Variants in RAI14 observed in about 807,000 individuals in gnomAD.
The protein encoded by RAI14 is ankycorbin.
A neutral mutation model predicts 115.4 loss-of-function variants in RAI14; 45 were observed. The observed-to-expected ratio is 0.39, with a 90% CI of 0.31 to 0.50. The LOEUF (loss-of-function observed/expected upper bound fraction) is 0.50, where lower values mean the gene tolerates loss of function less well. Ranked by LOEUF, RAI14 falls within the 20% of genes least tolerant of loss-of-function variation. RAI14 has a pLI of 0.85. For synonymous variants in RAI14, 371 were observed against 415.4 expected (o/e 0.89, Z 1.30); for missense variants, 939 against 1,131.2 (o/e 0.83, Z 2.44).
At chr5:34,685,436 A>G (rs1007303596) in intron 1 of RAI14, among the ~76,000 whole-genome samples, 3 of 152,116 alleles carry the variant, frequency 2.0e-5, no homozygotes, top group Non-Finnish European at 4.4e-5. Context: ...AGAGTGATAC[A>G]ATGGACTGTC....
intron 3 of RAI14, among the ~76,000 whole-genome samples, chr5:34,786,987 G>A (rs781304259): frequency 1.3e-5 from 2 of 152,234 alleles, no homozygotes; most frequent in Non-Finnish European, 2.9e-5. Context: ...GCTCTTGTTA[G>A]TTATCTGCAT....
chr5:34,704,999 G>T (rs955375571), intron 2 of RAI14, among the ~76,000 whole-genome samples: 5 of 151,986 alleles, frequency 3.3e-5, no homozygotes, highest in Non-Finnish European at 5.9e-5. Context: ...TCCCTTTGTT[G>T]CCCAGGCTGG....
intron 2 of RAI14, among the ~76,000 whole-genome samples, chr5:34,739,903 A>G (rs1028154643): frequency 1.3e-5 from 2 of 152,020 alleles, no homozygotes; most frequent in Non-Finnish European, 2.9e-5. Context: ...CTCTACTAAA[A>G]ATACAAAATT....
intron 2 of RAI14, among the ~76,000 whole-genome samples, chr5:34,698,343 G>T (rs778113170): frequency 3.8e-4 from 58 of 151,736 alleles, no homozygotes; most frequent in Non-Finnish European, 7.7e-4. Context: ...AATGGCAGCT[G>T]CTGATATTGG....
At chr5:34,737,805 C>T (rs1373021693) in intron 2 of RAI14, among the ~76,000 whole-genome samples, 1 of 152,116 alleles carries the variant, frequency 6.6e-6, no homozygotes. Context: ...TATCTGGATT[C>T]CTCAATCTGC....
At chr5:34,809,842 A>T (rs1309938800) in intron 7 of RAI14, among the ~76,000 whole-genome samples, 1 of 152,156 alleles carries the variant, frequency 6.6e-6, no homozygotes, top group Non-Finnish European at 1.5e-5. Flanking sequence ...AGAATCTCCC[A>T]ACTTTGAAGA....
chr5:34,764,974 T>A (rs1254386757), intron 3 of RAI14, among the ~76,000 whole-genome samples: 1 of 152,180 alleles, frequency 6.6e-6, no homozygotes, highest in East Asian at 1.9e-4. Context: ...CCCATACTGT[T>A]CTTGCGGTAG....
At chr5:34,765,381 T>G (rs906979150) in intron 3 of RAI14, among the ~76,000 whole-genome samples, 1 of 152,218 alleles carries the variant, frequency 6.6e-6, no homozygotes, top group Non-Finnish European at 1.5e-5. Flanking sequence ...CCCAGAATGC[T>G]GATAGCGATA....
intron 1 of RAI14, among the ~76,000 whole-genome samples, chr5:34,677,936 G>T (rs1229943356): frequency 6.6e-6 from 1 of 152,162 alleles, no homozygotes; most frequent in East Asian, 1.9e-4. Context: ...TTGATTTAAA[G>T]TTAAATAGCT....
intron 3 of RAI14, among the ~76,000 whole-genome samples, chr5:34,787,953 A>C (rs1752508428): frequency 2.0e-5 from 2 of 101,370 alleles, no homozygotes; most frequent in African/African-American, 7.7e-5. Context: ...TCTCACCGTC[A>C]CCCAGGCTAG....
chr5:34,781,734 C>T (rs1751670706), intron 3 of RAI14, among the ~76,000 whole-genome samples: 1 of 152,194 alleles, frequency 6.6e-6, no homozygotes, highest in African/African-American at 2.4e-5. Context: ...CAATTCCACT[C>T]CTCGGTATGT....
At chr5:34,807,729 G>A in intron 5 of RAI14, 71 bp from the exon 6 acceptor site, 1 of 1,198,154 alleles carries the variant, frequency 8.3e-7, no homozygotes, top group Admixed American at 1.7e-5. Context: ...TACCTTGCAG[G>A]AAAAGTCTGA....
intron 3 of RAI14, among the ~76,000 whole-genome samples, chr5:34,787,070 C>T (rs929406829): frequency 9.2e-5 from 14 of 152,198 alleles, no homozygotes; most frequent in Admixed American, 2.0e-4. Flanking sequence ...AGCGGTTTTC[C>T]GCCCTGGGTA....
At chr5:34,670,714 C>A (rs1166999540) in intron 1 of RAI14, among the ~76,000 whole-genome samples, 1 of 152,176 alleles carries the variant, frequency 6.6e-6, no homozygotes, top group African/African-American at 2.4e-5. Context: ...TAGCATTCTC[C>A]CTATTTACCT....
At chr5:34,698,184 CTCCCT>C (rs1350385282) in intron 2 of RAI14, among the ~76,000 whole-genome samples, 9 of 31,346 alleles carry the variant, frequency 2.9e-4, no homozygotes, top group Admixed American at 5.2e-4. Context: ...CCTTCCCCTC[CTCCCT>C]TCCCCTCCCT....
At chr5:34,784,687 TG>T (rs1752078063) in intron 3 of RAI14, among the ~76,000 whole-genome samples, 2 of 152,222 alleles carry the variant, frequency 1.3e-5, no homozygotes, top group Non-Finnish European at 2.9e-5. Context: ...AATGCTGAGT[TG>T]GAAAAATTAG....
chr5:34,813,551 C>A (rs1234734661), intron 10 of RAI14, 23 bp from the exon 11 acceptor site: 3 of 1,585,478 alleles, frequency 1.9e-6, no homozygotes, highest in Non-Finnish European at 2.6e-6. Flanking sequence ...CACCTCCATT[C>A]TTTGGACTGT....
chr5:34,698,368 T>A (rs1579948565), intron 2 of RAI14, among the ~76,000 whole-genome samples: 1 of 151,728 alleles, frequency 6.6e-6, no homozygotes, highest in Non-Finnish European at 1.5e-5. Context: ...CCCTGGTGCC[T>A]AGCACAGTGC....
chr5:34,818,442 G>A (rs1423996286), intron 12 of RAI14, among the ~76,000 whole-genome samples: 1 of 152,134 alleles, frequency 6.6e-6, no homozygotes, highest in African/African-American at 2.4e-5. Context: ...CATTACGAAA[G>A]CACTATTTGC....
Sources: gnomAD v4.1 joint callset for allele counts (sites outside exome capture counted in the v4.1 genomes callset) on GRCh38, gnomAD v4.1.1 for gene constraint, MANE v1.5 for transcripts, NCBI Gene and HGNC (gene_info 2026-07-23, HGNC 2026-07-21) for gene names.